Variants in TMBIM6 observed in about 807,000 individuals in gnomAD.
The protein encoded by TMBIM6 is transmembrane BAX inhibitor motif containing 6.
Under a neutral mutation model 31.4 loss-of-function variants are expected in TMBIM6, and 13 were observed. The ratio of observed to expected loss-of-function variants is 0.41; its 90% CI spans 0.27 to 0.66. The LOEUF (loss-of-function observed/expected upper bound fraction) is 0.66, where lower values mean the gene tolerates loss of function less well. Ranked by LOEUF, TMBIM6 falls within the 30% of genes least tolerant of loss-of-function variation. TMBIM6 has a pLI of 0.28. For missense variants in TMBIM6, 275 were observed against 289.5 expected (o/e 0.95, Z 0.36); for synonymous variants, 85 against 101.7 (o/e 0.84, Z 0.99).
chr12:49,754,829 AGAAG>A (rs1945559361), intron 3 of TMBIM6, among the ~76,000 whole-genome samples: 1 of 152,268 alleles, frequency 6.6e-6, no homozygotes, highest in South Asian at 2.1e-4. Flanking sequence ...ACTAGCAATG[AGAAG>A]GAAGTATTTT....
At chr12:49,742,644 T>C (rs919213045) in intron 1 of TMBIM6, 5 of 171,178 alleles carry the variant, frequency 2.9e-5, no homozygotes, top group Non-Finnish European at 5.0e-5. Context: ...TAGTTACTTA[T>C]TGATATTTAT....
At chr12:49,752,874 T>A in intron 2 of TMBIM6, 99 bp from the exon 3 acceptor site, 1 of 1,143,808 alleles carries the variant, frequency 8.7e-7, no homozygotes, top group Non-Finnish European at 1.3e-6. Context: ...AACAGAACTT[T>A]TACATATTCC....
intron 1 of TMBIM6, chr12:49,744,501 G>C (rs971617631): frequency 6.6e-6 from 1 of 152,160 alleles, no homozygotes; most frequent in African/African-American, 2.4e-5. Flanking sequence ...GGAGAGAAAG[G>C]CTGTCTCCTT....
intron 4 of TMBIM6, 95 bp downstream of exon 4, chr12:49,755,850 T>TG: frequency 7.2e-7 from 1 of 1,382,180 alleles, no homozygotes; most frequent in East Asian, 2.4e-5. Context: ...TTTTTTTTTT[T>TG]TGAGACAGAG....
chr12:49,752,871 C>T (rs1311878227), intron 2 of TMBIM6, 102 bp from the exon 3 acceptor site: 9 of 1,119,322 alleles, frequency 8.0e-6, no homozygotes, highest in Non-Finnish European at 1.0e-5. Context: ...TGTAACAGAA[C>T]TTTTACATAT....
chr12:49,757,399 A>T (rs903760169), intron 4 of TMBIM6, among the ~76,000 whole-genome samples: 1 of 152,246 alleles, frequency 6.6e-6, no homozygotes, highest in South Asian at 2.1e-4. Context: ...GGCAATTATC[A>T]TAGGAGCTTC....
rs11540527 is a variant in TMBIM6 at position 49,752,509 on chromosome 12, C to G, written c.16C>G (p.Arg6Gly). 2 of 1,613,340 alleles carry G rather than the reference C, an allele frequency of 1.2e-6. No homozygotes were observed. The highest frequency in any genetic ancestry group is 1.1e-5 in the South Asian group (1 of 91,012). The change falls in exon 2 of 10, where the codon CGA becomes GGA. Residue 6 changes from arginine to glycine, a missense_variant. By Grantham distance (125) the Arg-to-Gly change is moderately radical. Coordinates refer to ENST00000267115, the MANE Select transcript of TMBIM6 (RefSeq NM_003217.3). Reference protein sequence around the residue: MNIFDRKINFDALLKF... With the variant: MNIFDGKINFDALLKF... The stretch of plus-strand genomic sequence containing the variant: ...CTCTGGAACCATGAACATATTTGAT[C>G]GAAAGATCAACTTTGATGCGCTTTT...
At chr12:49,752,230 A>C (rs1248683486) in intron 1 of TMBIM6, among the ~76,000 whole-genome samples, 2 of 152,194 alleles carry the variant, frequency 1.3e-5, no homozygotes, top group Non-Finnish European at 2.9e-5. Flanking sequence ...GATAGTAACA[A>C]AATAGTTTGA....
intron 1 of TMBIM6, among the ~76,000 whole-genome samples, chr12:49,748,694 T>G (rs1469278572): frequency 1.3e-5 from 2 of 152,212 alleles, no homozygotes; most frequent in African/African-American, 4.8e-5. Flanking sequence ...ACAAACGCAG[T>G]ATAGGCAGAT....
rs1945654899 is a variant in TMBIM6, at chr12:49,758,712, C to A, written c.463C>A (p.Leu155Ile). 6.2e-7 allele frequency: 1 copy of A among 1,613,786 alleles called. No homozygotes were observed. ...GILMSALSLL[L>I]LSSLGNVFFG... ...CTTGATGTCAGCCCTGAGCTTGTTGCTTTTGTCTTCCCTGGGGAATGTTTT... is the reference window on the plus strand; with the variant it reads ...CTTGATGTCAGCCCTGAGCTTGTTGATTTTGTCTTCCCTGGGGAATGTTTT... The change falls in exon 7 of 10, where the codon CTT (leucine) becomes ATT (isoleucine). Residue 155 changes from leucine (L) to isoleucine (I), a missense_variant. Transcript: ENST00000267115.
chr12:49,751,415 G>A (rs747904221), intron 1 of TMBIM6, among the ~76,000 whole-genome samples: 33 of 152,142 alleles, frequency 2.2e-4, no homozygotes, highest in Non-Finnish European at 4.6e-4. Flanking sequence ...TGAAGCAAAT[G>A]TGAAATATTA....
At chr12:49,751,449 G>T (rs375623395) in intron 1 of TMBIM6, among the ~76,000 whole-genome samples, 1 of 152,068 alleles carries the variant, frequency 6.6e-6, no homozygotes, top group Admixed American at 6.6e-5. Context: ...CTGGGTGAAG[G>T]TTGTACAGGA....
chr12:49,743,334 A>G (rs1945333253), intron 1 of TMBIM6: 1 of 151,530 alleles, frequency 6.6e-6, no homozygotes, highest in Admixed American at 6.6e-5. Flanking sequence ...TCCCTGGTGC[A>G]TTCAATTCTC....
intron 1 of TMBIM6, among the ~76,000 whole-genome samples, chr12:49,749,338 A>G (rs1945451990): frequency 6.6e-6 from 1 of 152,234 alleles, no homozygotes; most frequent in Admixed American, 6.5e-5. Context: ...TTAAATGTAT[A>G]CAGATGCTCC....
At position 49,761,751 on chromosome 12, in the gene TMBIM6, T is replaced by G. The variant is rs1802118; in HGVS notation, c.662T>G (p.Leu221Arg). 6.2e-7 allele frequency: 1 copy of G among 1,614,236 alleles called. No homozygotes were observed. Among genetic ancestry groups the G allele is most frequent in the Admixed American group, 1.7e-5 (1 of 60,024 alleles). The part of the protein sequence containing the change: ...FLDFITVFRK[L>R]MMILAMNEKD... ...GATTTCATTACTGTCTTCAGAAAAC[T>G]CATGATGATCCTGGCCATGAATGAA... Residue 221 changes from leucine to arginine, a missense_variant, in exon 9 of 10, where the codon CTC (leucine) becomes CGC (arginine). Transcript: ENST00000267115.
chr12:49,754,080 C>T (rs1945545068), intron 3 of TMBIM6, among the ~76,000 whole-genome samples: 2 of 152,152 alleles, frequency 1.3e-5, no homozygotes, highest in African/African-American at 2.4e-5. Flanking sequence ...TTTCAGTTCT[C>T]GTATTGTAAA....
chr12:49,742,180 G>A lies in TMBIM6; in HGVS notation c.-31+569G>A, dbSNP rs769658266. 1.9e-6 allele frequency: 3 copies of A among 1,613,578 alleles called. No individual in the cohort carries two copies. The South Asian group carries it at 3.3e-5, about 18-fold the overall frequency. ...ACACGCGAGGCTCCTCAGTTACTTA[G>A]CCAACGGCAGAGGCGGGAAGTGAGA... On this transcript the variant is annotated intron_variant, in intron 1 of 9. Transcript: ENST00000267115.
In TMBIM6 at chr12:49,764,425, T is replaced by A. The variant is rs1945777552; in HGVS notation, c.*1529T>A. The A allele has an allele frequency of 6.6e-6, 1 of 152,298 alleles. No individual in the cohort carries two copies. The highest frequency in any genetic ancestry group is 2.4e-5 in the African/African-American group (1 of 41,418). The allele number at this position is 152,298 out of a possible 1,614,324, so 9.4% of individuals were successfully genotyped here. On this transcript the variant is annotated 3_prime_UTR_variant, in exon 10 of 10. Transcript: ENST00000267115. Reference sequence around the variant, plus strand: ...GTGCTATCCTACGAAATCATTTGTTTCTAAGTTGTGTTTATTCCTGGAGTG... The same window carrying A: ...GTGCTATCCTACGAAATCATTTGTTACTAAGTTGTGTTTATTCCTGGAGTG...
chr12:49,758,175 T>G (rs1366769357), intron 4 of TMBIM6, 52 bp from the exon 5 acceptor site: 2 of 1,606,012 alleles, frequency 1.2e-6, no homozygotes, highest in South Asian at 2.2e-5. Flanking sequence ...TGGATGAGGA[T>G]CCTATTCAAG....
Sources: gnomAD v4.1 joint callset for allele counts (sites outside exome capture counted in the v4.1 genomes callset) on GRCh38, gnomAD v4.1.1 for gene constraint, MANE v1.5 for transcripts, NCBI Gene and HGNC (gene_info 2026-07-23, HGNC 2026-07-21) for gene names.